The following MSI2 variants were observed in gnomAD, a reference collection of about 807,000 sequenced individuals.
MSI2 encodes RNA-binding protein Musashi homolog 2.
A neutral mutation model predicts 45.6 loss-of-function variants in MSI2; 17 were observed. The ratio of observed to expected loss-of-function variants is 0.37; its 90% CI spans 0.26 to 0.56. The LOEUF (loss-of-function observed/expected upper bound fraction) is 0.56. Among genes scored for constraint, MSI2 ranks in the 20% least tolerant of loss-of-function variants. The pLI, the probability that MSI2 is intolerant of heterozygous loss-of-function variation, is 0.77. For missense variants in MSI2, 293 were observed against 444.2 expected (o/e 0.66, Z 3.06); for synonymous variants, 156 against 158.2 (o/e 0.99, Z 0.11).
At chr17:57,290,242 G>A (rs1203877581) in intron 5 of MSI2, among the ~76,000 whole-genome samples, 3 of 152,200 alleles carry the variant, frequency 2.0e-5, no homozygotes, top group Non-Finnish European at 4.4e-5. Context: ...TGAGCCTATA[G>A]CCTGGCCAGG....
chr17:57,603,590 A>G (rs951443641), intron 8 of MSI2, among the ~76,000 whole-genome samples: 1 of 152,228 alleles, frequency 6.6e-6, no homozygotes. Context: ...TCAGCCCTTG[A>G]TAACTTCACG....
chr17:57,508,031 G>C (rs954487633), intron 6 of MSI2, among the ~76,000 whole-genome samples: 11 of 152,040 alleles, frequency 7.2e-5, no homozygotes, highest in Admixed American at 7.2e-4. Flanking sequence ...GGTCGTTTAT[G>C]AGTTAGTGTT....
chr17:57,596,342 C>T lies in MSI2; in HGVS notation c.455-526C>T, dbSNP rs567485355. Among the ~76,000 whole-genome samples the T allele has an allele frequency of 2.5e-4, 38 of 152,304 alleles. 1 individual carries two copies. In the South Asian group the frequency reaches 7.7e-3, roughly 31 times the overall value. On this transcript the variant is annotated intron_variant, in intron 7 of 13. Transcript: ENST00000284073. This position sits in a 1 kb window ranked among gnomAD's most constrained non-coding sequence, Gnocchi z 4.6. Reference sequence around the variant, plus strand: ...AGCAGCAGTATAAAAAGGATGCCTGCGCGGAACAGAGGCCTGAAACTTTTA... The same window carrying T: ...AGCAGCAGTATAAAAAGGATGCCTGTGCGGAACAGAGGCCTGAAACTTTTA...
At chr17:57,299,509 A>G (rs893679218) in intron 5 of MSI2, among the ~76,000 whole-genome samples, 1 of 152,218 alleles carries the variant, frequency 6.6e-6, no homozygotes, top group Non-Finnish European at 1.5e-5. Flanking sequence ...TTGTGTCTAC[A>G]GGCCTGCGGG....
chr17:57,606,795 T>C (rs1906629113), intron 8 of MSI2, among the ~76,000 whole-genome samples: 1 of 152,008 alleles, frequency 6.6e-6, no homozygotes, highest in African/African-American at 2.4e-5. Flanking sequence ...AGGAGATCAG[T>C]TGTGGAAGCT....
intron 5 of MSI2, among the ~76,000 whole-genome samples, chr17:57,310,653 A>G (rs60968283): frequency 0.14 from 21,984 of 152,184 alleles, 3,259 homozygotes; most frequent in African/African-American, 0.36. Context: ...CTTGCAGCAC[A>G]GGAAGGAACT....
At chr17:57,371,705 A>T (rs1201697743) in intron 5 of MSI2, among the ~76,000 whole-genome samples, 1 of 152,052 alleles carries the variant, frequency 6.6e-6, no homozygotes, top group East Asian at 1.9e-4. Context: ...GTTATTGAAT[A>T]GTTAGCTGGT....
intron 5 of MSI2, among the ~76,000 whole-genome samples, chr17:57,321,815 G>A (rs911782733): frequency 2.7e-5 from 4 of 146,096 alleles, no homozygotes; most frequent in Non-Finnish European, 6.0e-5. Flanking sequence ...TTTTTTTTTT[G>A]AGACTGGGTC....
At position 57,398,375 on chromosome 17, in the gene MSI2, T is replaced by C. The variant is rs79303695; in HGVS notation, c.313-3004T>C. Among the ~76,000 whole-genome samples, 1,059 of 152,310 alleles carry C rather than the reference T, an allele frequency of 7.0e-3. 16 individuals carry two copies. Among genetic ancestry groups the C allele is most frequent in the African/African-American group, 0.024 (1,018 of 41,560 alleles). ...AGTGTATGTTGGTAGATCACGTTAG[T>C]GTTTCTTTACAGACATTTAATTACT... On this transcript the variant is annotated intron_variant, in intron 5 of 13. Transcript: ENST00000284073.
chr17:57,287,745 C>T (rs1598074978), intron 5 of MSI2, among the ~76,000 whole-genome samples: 1 of 152,218 alleles, frequency 6.6e-6, no homozygotes, highest in South Asian at 2.1e-4. Flanking sequence ...TCCATGGCAG[C>T]CCCTGCCTAG....
At chr17:57,563,922 T>C (rs906637930) in intron 7 of MSI2, among the ~76,000 whole-genome samples, 2 of 152,214 alleles carry the variant, frequency 1.3e-5, no homozygotes, top group African/African-American at 4.8e-5. Flanking sequence ...TCCCATTGTC[T>C]GGCCTGTTAC....
At chr17:57,469,443 T>C (rs541604319) in intron 6 of MSI2, among the ~76,000 whole-genome samples, 1 of 152,316 alleles carries the variant, frequency 6.6e-6, no homozygotes, top group South Asian at 2.1e-4. Context: ...ATTTTTTCCA[T>C]TACACTTAGA....
At chr17:57,288,774 C>T (rs1910139237) in intron 5 of MSI2, among the ~76,000 whole-genome samples, 1 of 152,102 alleles carries the variant, frequency 6.6e-6, no homozygotes, top group Non-Finnish European at 1.5e-5. Context: ...GCCAGGGGTC[C>T]ACAACTTTGG....
intron 7 of MSI2, among the ~76,000 whole-genome samples, chr17:57,588,103 G>A (rs191258485): frequency 1.3e-5 from 2 of 152,192 alleles, no homozygotes; most frequent in Admixed American, 1.3e-4. Context: ...TGCTTATTTT[G>A]GGGGGAGGGA....
intron 5 of MSI2, among the ~76,000 whole-genome samples, chr17:57,327,956 C>A (rs1304130035): frequency 1.3e-5 from 2 of 152,126 alleles, no homozygotes; most frequent in African/African-American, 4.8e-5. Context: ...TTGCATTTCC[C>A]AGGAGTAGCT....
At chr17:57,324,580 T>A (rs1913631530) in intron 5 of MSI2, among the ~76,000 whole-genome samples, 1 of 152,234 alleles carries the variant, frequency 6.6e-6, no homozygotes, top group Admixed American at 6.5e-5. Flanking sequence ...GACACCTCTC[T>A]TCTTCTGCCT....
intron 5 of MSI2, among the ~76,000 whole-genome samples, chr17:57,370,438 T>G (rs1022289297): frequency 7.9e-5 from 12 of 152,188 alleles, no homozygotes; most frequent in African/African-American, 2.9e-4. Flanking sequence ...GAAAGGCCTT[T>G]TGCCTTCCAG....
chr17:57,488,591 G>A (rs139435596), intron 6 of MSI2, among the ~76,000 whole-genome samples: 45 of 152,274 alleles, frequency 3.0e-4, no homozygotes, highest in African/African-American at 1.1e-3. Flanking sequence ...GGGAGGCCAA[G>A]GTGGGCGTAT....
At chr17:57,584,327 C>T (rs769051718) in intron 7 of MSI2, among the ~76,000 whole-genome samples, 24 of 152,196 alleles carry the variant, frequency 1.6e-4, no homozygotes, top group Non-Finnish European at 3.1e-4. Context: ...ATAGGCCAGA[C>T]CCCACCCCCT....
Sources: allele counts gnomAD v4.1 joint callset (sites outside exome capture counted in the v4.1 genomes callset), GRCh38; gene constraint gnomAD v4.1.1; non-coding constraint Gnocchi (gnomAD v3.1); transcripts MANE v1.5; gene names NCBI Gene and HGNC (gene_info 2026-07-23, HGNC 2026-07-21).